ASPRV1: variants seen among roughly 807,000 people sequenced by gnomAD.
ASPRV1 encodes the protein aspartic peptidase retroviral like 1.
ASPRV1 carries 7 observed loss-of-function variants against 11.0 expected under a neutral mutation model. The ratio of observed to expected loss-of-function variants is 0.64; its 90% confidence interval spans 0.36 to 1.20. The LOEUF is 1.20. Among genes scored for constraint, ASPRV1 ranks in the 50% most tolerant of loss-of-function variants. The pLI, the probability that ASPRV1 is intolerant of heterozygous loss-of-function variation, is 0.02. For missense variants in ASPRV1, 299 were observed against 320.0 expected, an observed-to-expected ratio of 0.93 and a Z score of 0.50; for synonymous variants, 136 against 138.4, an observed-to-expected ratio of 0.98 and a Z score of 0.12.
the ASPRV1 span, among the ~76,000 whole-genome samples, chr2:69,987,665 A>C: frequency 3.3e-5 from 5 of 151,980 alleles, no homozygotes; most frequent in Middle Eastern, 3.4e-3. Context: ...TGGGAAGATC[A>C]CTTGAGCCCA....
At chr2:69,973,141 A>G in the ASPRV1 span, among the ~76,000 whole-genome samples, 1 of 152,182 alleles carries the variant, frequency 6.6e-6, no homozygotes, top group Non-Finnish European at 1.5e-5. Context: ...GACATAAAGG[A>G]TGGCTAATAA....
chr2:70,037,655 T>TAA, the ASPRV1 span, among the ~76,000 whole-genome samples: 1 of 152,174 alleles, frequency 6.6e-6, no homozygotes, highest in African/African-American at 2.4e-5. Flanking sequence ...TATTAACGTG[T>TAA]AAAAGCTCTG....
chr2:70,007,639 G>A, the ASPRV1 span, among the ~76,000 whole-genome samples: 36 of 151,994 alleles, frequency 2.4e-4, no homozygotes, highest in East Asian at 6.6e-3. Flanking sequence ...TGATACACAT[G>A]CAGAAAAGTA....
At chr2:69,952,818 T>C in the ASPRV1 span, among the ~76,000 whole-genome samples, 3 of 152,132 alleles carry the variant, frequency 2.0e-5, no homozygotes, top group Non-Finnish European at 4.4e-5. Context: ...TCCCCAGACA[T>C]TGCCAATACT....
chr2:69,991,139 T>A, the ASPRV1 span, among the ~76,000 whole-genome samples: 2 of 152,104 alleles, frequency 1.3e-5, no homozygotes, highest in African/African-American at 2.4e-5. Flanking sequence ...CCACACCCCC[T>A]TCCTCTTGGT....
chr2:70,071,317 G>A, the ASPRV1 span, among the ~76,000 whole-genome samples: 1 of 152,204 alleles, frequency 6.6e-6, no homozygotes, highest in Non-Finnish European at 1.5e-5. Flanking sequence ...AGAATGATCT[G>A]AACTGAAAGC....
the ASPRV1 span, among the ~76,000 whole-genome samples, chr2:69,970,042 T>G: frequency 6.6e-6 from 1 of 152,220 alleles, no homozygotes; most frequent in Admixed American, 6.5e-5. Context: ...CTCTGTGTTC[T>G]TTATCTGGCA....
chr2:69,937,274 G>A, the ASPRV1 span: 6 of 1,613,988 alleles, frequency 3.7e-6, no homozygotes, highest in South Asian at 4.4e-5. Context: ...TCACCAAATC[G>A]ACCAGCTTCA....
chr2:69,995,104 G>A, the ASPRV1 span, among the ~76,000 whole-genome samples: 5 of 151,612 alleles, frequency 3.3e-5, no homozygotes, highest in African/African-American at 7.3e-5. Flanking sequence ...AAACTTTTGC[G>A]GCCGGGTGCA....
At chr2:70,026,989 G>A in the ASPRV1 span, among the ~76,000 whole-genome samples, 1 of 152,102 alleles carries the variant, frequency 6.6e-6, no homozygotes, top group Non-Finnish European at 1.5e-5. Flanking sequence ...GGACACTCAC[G>A]CCTGTAATCC....
chr2:70,059,022 G>A, the ASPRV1 span, among the ~76,000 whole-genome samples: 1 of 150,600 alleles, frequency 6.6e-6, no homozygotes, highest in South Asian at 2.1e-4. Flanking sequence ...TGAGTAGCTG[G>A]GACTACAGGC....
chr2:70,037,756 A>C, the ASPRV1 span, among the ~76,000 whole-genome samples: 1 of 151,916 alleles, frequency 6.6e-6, no homozygotes, highest in Non-Finnish European at 1.5e-5. Flanking sequence ...AATTCATCAC[A>C]CATTTTCCTT....
At chr2:70,071,206 A>G in the ASPRV1 span, among the ~76,000 whole-genome samples, 1 of 152,204 alleles carries the variant, frequency 6.6e-6, no homozygotes, top group Non-Finnish European at 1.5e-5. Context: ...TCAAGGAGGA[A>G]AGGAAAGCAT....
chr2:70,034,011 G>A, the ASPRV1 span, among the ~76,000 whole-genome samples: 4 of 151,706 alleles, frequency 2.6e-5, no homozygotes, highest in East Asian at 2.0e-4. Flanking sequence ...AAAATTAGCC[G>A]GGCGAGGTGG....
chr2:70,063,853 T>C, the ASPRV1 span: 3 of 152,216 alleles, frequency 2.0e-5, no homozygotes, highest in African/African-American at 4.8e-5. Flanking sequence ...AGATTATTTA[T>C]GACTCTAATC....
the ASPRV1 span, among the ~76,000 whole-genome samples, chr2:70,021,737 T>A: frequency 1.3e-5 from 2 of 151,904 alleles, no homozygotes; most frequent in East Asian, 3.9e-4. Flanking sequence ...AGAGTCTCTC[T>A]CTGTCACCAG....
the ASPRV1 span, chr2:70,053,938 G>A: frequency 6.6e-6 from 1 of 152,156 alleles, no homozygotes; most frequent in Non-Finnish European, 1.5e-5. Flanking sequence ...TGAACAACTC[G>A]TATTATGCTC....
chr2:70,046,163 G>T, the ASPRV1 span: 9 of 152,290 alleles, frequency 5.9e-5, no homozygotes, highest in East Asian at 1.7e-3. Flanking sequence ...GTCAGCACAT[G>T]TCACTTCCTT....
chr2:70,085,353 T>C, the ASPRV1 span, among the ~76,000 whole-genome samples: 1 of 152,128 alleles, frequency 6.6e-6, no homozygotes, highest in Non-Finnish European at 1.5e-5. Flanking sequence ...AAGACAGCAT[T>C]TCAGCCCGCC....
Sources: gnomAD v4.1 joint callset for allele counts (sites outside exome capture counted in the v4.1 genomes callset) on GRCh38, gnomAD v4.1.1 for gene constraint, MANE v1.5 for transcripts, NCBI Gene and HGNC (gene_info 2026-07-23, HGNC 2026-07-21) for gene names.